The following RPSA2 variants were observed in gnomAD, a reference collection of about 807,000 sequenced individuals.
RPSA2 encodes the protein ribosomal protein SA 2, also known as small ribosomal subunit protein uS2B.
At chr19:23,826,029 G>T in the RPSA2 span, among the ~76,000 whole-genome samples, 4 of 8,596 alleles carry the variant, frequency 4.7e-4, no homozygotes, top group Middle Eastern at 0.25. Context: ...TTTATTTCTT[G>T]TCAAAAAAAA....
the RPSA2 span, among the ~76,000 whole-genome samples, chr19:23,810,401 AAAAAAAAAAAAAAAAAAAAGGG>A: frequency 8.4e-4 from 4 of 4,740 alleles, no homozygotes; most frequent in South Asian, 0.3. Context: ...CTCCAAAAAA[AAAAAAAAAAAAAAAAAAAAGGG>A]AAAAGGGCTT....
At chr19:23,762,629 T>G in the RPSA2 span, among the ~76,000 whole-genome samples, 1 of 142,692 alleles carries the variant, frequency 7.0e-6, no homozygotes, top group Non-Finnish European at 1.5e-5. Flanking sequence ...TGAGCCAAGA[T>G]CGCACCACTG....
At chr19:23,771,944 C>T in the RPSA2 span, among the ~76,000 whole-genome samples, 5 of 152,254 alleles carry the variant, frequency 3.3e-5, no homozygotes, top group East Asian at 1.9e-4. Flanking sequence ...TGGGCCCTGC[C>T]GGAAGGGAGG....
chr19:23,770,981 G>A, the RPSA2 span, among the ~76,000 whole-genome samples: 1 of 152,308 alleles, frequency 6.6e-6, no homozygotes, highest in Non-Finnish European at 1.5e-5. Flanking sequence ...TAAACAACCA[G>A]TAGCAGATGT....
chr19:23,790,641 C>T, the RPSA2 span: 6 of 304,468 alleles, frequency 2.0e-5, no homozygotes, highest in African/African-American at 1.1e-4. Context: ...TCTCTAGCTG[C>T]AGATGGAGCT....
chr19:23,866,223 A>G, the RPSA2 span, among the ~76,000 whole-genome samples: 3 of 152,246 alleles, frequency 2.0e-5, no homozygotes, highest in African/African-American at 7.2e-5. Context: ...CATGTCACAC[A>G]GGGATCACAG....
At chr19:23,805,072 G>T in the RPSA2 span, among the ~76,000 whole-genome samples, 5 of 42,620 alleles carry the variant, frequency 1.2e-4, no homozygotes, top group East Asian at 4.7e-3. Flanking sequence ...AGCAGAAATT[G>T]CTAGTGTCTG....
chr19:23,783,984 G>C, the RPSA2 span, among the ~76,000 whole-genome samples: 1 of 152,142 alleles, frequency 6.6e-6, no homozygotes, highest in Non-Finnish European at 1.5e-5. Flanking sequence ...GCATGCTCTC[G>C]GGGAAGATTG....
chr19:23,786,170 C>T, the RPSA2 span, among the ~76,000 whole-genome samples: 1 of 152,182 alleles, frequency 6.6e-6, no homozygotes, highest in Admixed American at 6.5e-5. Context: ...ACACAGTTTA[C>T]AGGAGGAATG....
chr19:23,827,792 G>A, the RPSA2 span: 1 of 1,585,566 alleles, frequency 6.3e-7, no homozygotes, highest in Admixed American at 1.7e-5. Context: ...TGAAGAGATT[G>A]AAAAAGAAGA....
chr19:23,769,472 T>C, the RPSA2 span, among the ~76,000 whole-genome samples: 6 of 152,126 alleles, frequency 3.9e-5, no homozygotes. Flanking sequence ...GCCTCATGAG[T>C]AGCTGGGATT....
chr19:23,845,095 G>T, the RPSA2 span, among the ~76,000 whole-genome samples: 7 of 7,920 alleles, frequency 8.8e-4, no homozygotes, highest in Non-Finnish European at 2.6e-3. Context: ...TATTGCTGTT[G>T]TATCCATTGT....
At chr19:23,761,779 G>A in the RPSA2 span, among the ~76,000 whole-genome samples, 5 of 151,600 alleles carry the variant, frequency 3.3e-5, no homozygotes, top group Non-Finnish European at 5.9e-5. Flanking sequence ...GTAATCCAGT[G>A]ATTTTAAAAA....
At chr19:23,823,087 T>C in the RPSA2 span, among the ~76,000 whole-genome samples, 1 of 152,226 alleles carries the variant, frequency 6.6e-6, no homozygotes, top group Non-Finnish European at 1.5e-5. Context: ...TTTCCTTATC[T>C]ACATTTCCTT....
chr19:23,856,756 G>A, the RPSA2 span, among the ~76,000 whole-genome samples: 50,497 of 151,890 alleles, frequency 0.33, 8,674 homozygotes, highest in Non-Finnish European at 0.38. Flanking sequence ...TCACATATCG[G>A]TAGGACCATG....
the RPSA2 span, among the ~76,000 whole-genome samples, chr19:23,847,158 T>C: frequency 3.3e-5 from 5 of 152,070 alleles, no homozygotes; most frequent in Non-Finnish European, 7.4e-5. Context: ...AATTTTTGAA[T>C]GTATTTTCTT....
At chr19:23,808,629 T>C in the RPSA2 span, 1 of 350,018 alleles carries the variant, frequency 2.9e-6, no homozygotes, top group South Asian at 2.8e-5. Flanking sequence ...TATTAGAATA[T>C]TCTATTATAT....
At chr19:23,871,108 C>T in the RPSA2 span, among the ~76,000 whole-genome samples, 1 of 152,224 alleles carries the variant, frequency 6.6e-6, no homozygotes, top group African/African-American at 2.4e-5. Context: ...CTCTAGAACT[C>T]AGGGCCCTTG....
At chr19:23,814,201 G>A in the RPSA2 span, among the ~76,000 whole-genome samples, 12 of 119,424 alleles carry the variant, frequency 1.0e-4, no homozygotes, top group Non-Finnish European at 1.9e-4. Flanking sequence ...AACAGAGCAA[G>A]ACTCCATTTC....
Sources: gnomAD v4.1 joint callset for allele counts (sites outside exome capture counted in the v4.1 genomes callset) on GRCh38, gnomAD v4.1.1 for gene constraint, MANE v1.5 for transcripts, NCBI Gene and HGNC (gene_info 2026-07-23, HGNC 2026-07-21) for gene names.